The following NRXN1 variants were observed in gnomAD, a reference collection of about 807,000 sequenced individuals.
NRXN1 encodes neurexin-1.
A neutral mutation model predicts 150.9 loss-of-function variants in NRXN1; 39 were observed. The ratio of observed to expected loss-of-function variants is 0.26; its 90% CI spans 0.20 to 0.34. The LOEUF (loss-of-function observed/expected upper bound fraction) is 0.34. Ranked by LOEUF, NRXN1 falls within the 10% of genes least tolerant of loss-of-function variation. NRXN1 has a pLI of 1.00. For missense variants in NRXN1, 1,815 were observed against 1,949.9 expected (o/e 0.93, Z 1.30); for synonymous variants, 924 against 757.0 (o/e 1.22, Z -3.62).
rs538559792 is a variant in NRXN1, at chr2:50,479,961, A to T, written c.3071-7490T>A. On this transcript the variant is annotated intron_variant, in intron 15 of 22. Coordinates refer to ENST00000401669, the MANE Select transcript of NRXN1 (RefSeq NM_001330078.2). ...GCTAACTTCTGTATTTTTAGTAGAG[A>T]TTGGGTTTCACCGCGTTGGCCAGGC... 3.7e-3 allele frequency among the ~76,000 whole-genome samples: 562 copies of T among 151,800 alleles called. 2 individuals are homozygous for T. Among genetic ancestry groups the T allele is most frequent in the African/African-American group, 0.013 (546 of 41,410 alleles).
intron 2 of NRXN1, among the ~76,000 whole-genome samples, chr2:51,027,248 G>A (rs1441505768): frequency 6.6e-6 from 1 of 152,208 alleles, no homozygotes; most frequent in African/African-American, 2.4e-5. Context: ...CCACTTGGAA[G>A]GGAGTAGTGT....
intron 5 of NRXN1, among the ~76,000 whole-genome samples, chr2:50,668,077 C>A (rs1014427181): frequency 6.6e-6 from 1 of 151,938 alleles, no homozygotes; most frequent in Non-Finnish European, 1.5e-5. Context: ...TAAAGTATTT[C>A]GAATGGTATT....
intron 5 of NRXN1, among the ~76,000 whole-genome samples, chr2:50,853,915 G>A (rs1454777189): frequency 2.6e-5 from 4 of 152,008 alleles, no homozygotes; most frequent in Non-Finnish European, 5.9e-5. Flanking sequence ...CGCAACACAT[G>A]CTCCATAGAC....
At chr2:50,130,175 G>C (rs1475644341) in intron 18 of NRXN1, among the ~76,000 whole-genome samples, 2 of 152,078 alleles carry the variant, frequency 1.3e-5, no homozygotes, top group Non-Finnish European at 2.9e-5. Flanking sequence ...GATGTGTGCA[G>C]GAGTAAAGAT....
At chr2:50,402,415 A>G (rs1276182477) in intron 17 of NRXN1, among the ~76,000 whole-genome samples, 2 of 152,152 alleles carry the variant, frequency 1.3e-5, no homozygotes, top group African/African-American at 2.4e-5. Context: ...ACTGTTTCCA[A>G]TGATGAATAT....
Position 50,638,945 on chromosome 2 carries a change from A to G in NRXN1, c.833-15330T>C, listed in dbSNP as rs149665239. 6.8e-4 allele frequency among the ~76,000 whole-genome samples: 104 copies of G among 152,092 alleles called. 1 individual carries two copies. The highest frequency in any genetic ancestry group is 2.4e-3 in the African/African-American group (99 of 41,510). On this transcript the variant is annotated intron_variant, in intron 5 of 22. Transcript: ENST00000401669. The stretch of plus-strand genomic sequence containing the variant: ...ACAATACCTCAGCTTTCTACCCTCA[A>G]TACACTCTTCTACTTGTGATAGGAA...
At chr2:50,062,552 A>C (rs1331206727) in intron 19 of NRXN1, among the ~76,000 whole-genome samples, 2 of 152,196 alleles carry the variant, frequency 1.3e-5, no homozygotes, top group Non-Finnish European at 2.9e-5. Flanking sequence ...TATTTATTCT[A>C]TATGAACAAG....
intron 5 of NRXN1, among the ~76,000 whole-genome samples, chr2:50,904,396 T>C: frequency 6.6e-6 from 1 of 152,180 alleles, no homozygotes; most frequent in Non-Finnish European, 1.5e-5. Context: ...AAATAGTCCA[T>C]ACGTGAATTT....
intron 5 of NRXN1, among the ~76,000 whole-genome samples, chr2:50,847,129 G>C (rs78835629): frequency 2.6e-5 from 4 of 152,128 alleles, no homozygotes; most frequent in African/African-American, 9.7e-5. Flanking sequence ...CATGCATCAG[G>C]GGGAGGTGAG....
intron 2 of NRXN1, among the ~76,000 whole-genome samples, chr2:51,004,120 G>A (rs1460936209): frequency 6.6e-6 from 1 of 151,488 alleles, no homozygotes; most frequent in Non-Finnish European, 1.5e-5. Flanking sequence ...GGTTTCCGGA[G>A]GTGAACTAAC....
At chr2:50,469,581 C>T (rs778010806) in intron 16 of NRXN1, among the ~76,000 whole-genome samples, 7 of 151,442 alleles carry the variant, frequency 4.6e-5, no homozygotes, top group African/African-American at 1.7e-4. Flanking sequence ...TAGGTATCTA[C>T]AGTTAAAACA....
intron 18 of NRXN1, among the ~76,000 whole-genome samples, chr2:50,165,436 C>T (rs374842644): frequency 2.8e-4 from 43 of 152,318 alleles, no homozygotes; most frequent in African/African-American, 1.0e-3. Flanking sequence ...GCAACCTCCG[C>T]CTGCCGAGTT....
In NRXN1 at chr2:50,495,942, C is replaced by G. The variant is rs764611037; in HGVS notation, c.3033G>C (p.Thr1011=). The change falls in exon 15 of 23, where the codon ACG becomes ACC. Residue 1011 remains threonine (T), a synonymous_variant. Coordinates refer to ENST00000401669, the MANE Select transcript of NRXN1 (RefSeq NM_001330078.2). ...AGTTCCTGGCTCCGGCGGTGATTTG[C>G]GTTGTGATTTTTGTGTCAATCTTTA... ...HTVKIDTKIT[T]QITAGARNLD... 2 of 1,610,020 alleles carry G rather than the reference C, an allele frequency of 1.2e-6. No homozygotes were observed. The highest frequency in any genetic ancestry group is 1.7e-6 in the Non-Finnish European group (2 of 1,178,038).
At chr2:50,678,620 T>C (rs9284754) in intron 5 of NRXN1, among the ~76,000 whole-genome samples, 81,266 of 151,954 alleles carry the variant, frequency 0.53, 22,062 homozygotes, top group East Asian at 0.83. Context: ...CATTAACCCT[T>C]TACAGCCTCC....
chr2:50,718,153 C>G (rs912399117), intron 5 of NRXN1, among the ~76,000 whole-genome samples: 3 of 152,126 alleles, frequency 2.0e-5, no homozygotes, highest in Admixed American at 6.5e-5. Flanking sequence ...AGGTTAAATG[C>G]ATGGTTTTTG....
At chr2:50,149,049 A>G (rs1353927957) in intron 18 of NRXN1, among the ~76,000 whole-genome samples, 2 of 151,806 alleles carry the variant, frequency 1.3e-5, no homozygotes, top group Non-Finnish European at 1.5e-5. Context: ...TAGTGAAAAT[A>G]GAGGTCTTTC....
At chr2:50,359,409 C>A (rs980384049) in intron 17 of NRXN1, among the ~76,000 whole-genome samples, 1 of 151,474 alleles carries the variant, frequency 6.6e-6, no homozygotes, top group South Asian at 2.1e-4. Context: ...TAGAGAAGAA[C>A]ATAAATGACC....
chr2:50,035,479 T>G lies in NRXN1; in HGVS notation c.4128+17792A>C, dbSNP rs114824294. ...TTTAATTAAGCAGATTTTATAGGAA[T>G]GTGAACAATAAAAAGCAAAATTCTG... is the stretch of plus-strand genomic sequence containing the variant. On this transcript the variant is annotated intron_variant, in intron 21 of 22. Transcript: ENST00000401669. 6.9e-3 allele frequency among the ~76,000 whole-genome samples: 1,050 copies of G among 152,222 alleles called. 4 individuals carry two copies. The highest frequency in any genetic ancestry group is 0.014 in the Middle Eastern group (4 of 294).
At chr2:50,502,340 G>A (rs1394702272) in intron 13 of NRXN1, among the ~76,000 whole-genome samples, 3 of 152,074 alleles carry the variant, frequency 2.0e-5, no homozygotes, top group Non-Finnish European at 4.4e-5. Context: ...ACAAACAGTC[G>A]TAAAGTAATC....
Sources: gnomAD v4.1 joint callset for allele counts (sites outside exome capture counted in the v4.1 genomes callset) on GRCh38, gnomAD v4.1.1 for gene constraint, MANE v1.5 for transcripts, NCBI Gene and HGNC (gene_info 2026-07-23, HGNC 2026-07-21) for gene names.